TMEM177: variants seen among roughly 807,000 people sequenced by gnomAD.
TMEM177 encodes the protein transmembrane protein 177.
Under a neutral mutation model 14.2 loss-of-function variants are expected in TMEM177, and 4 were observed. That is an observed-to-expected ratio of 0.28 (90% CI 0.14 to 0.64). The LOEUF (loss-of-function observed/expected upper bound fraction) is 0.64. Ranked by LOEUF, TMEM177 falls within the 30% of genes least tolerant of loss-of-function variation. TMEM177 has a pLI of 0.82. For synonymous variants in TMEM177, 179 were observed against 174.5 expected (o/e 1.03, Z -0.20); for missense variants, 344 against 405.2 (o/e 0.85, Z 1.30).
chr2:119,713,260 G>T, the TMEM177 span, among the ~76,000 whole-genome samples: 1 of 152,024 alleles, frequency 6.6e-6, no homozygotes, highest in Non-Finnish European at 1.5e-5. Flanking sequence ...GTAGAGACAG[G>T]TTTCTCCGTG....
the TMEM177 span, chr2:119,700,039 T>C: frequency 4.1e-3 from 1,204 of 294,256 alleles, 5 homozygotes; most frequent in Non-Finnish European, 6.0e-3. Context: ...CCCTGCCACA[T>C]CGAGATCATC....
rs1219227583 is a variant in TMEM177 at position 119,681,444 on chromosome 2, C to T, written c.591C>T (p.Pro197=). The T allele has an allele frequency of 2.5e-6, 4 of 1,613,716 alleles. No individual in the cohort carries two copies. The East Asian group carries it at 6.7e-5, about 27-fold the overall frequency. The part of the protein sequence containing the change: ...AKYTLGLHAG[P]MNLRAAFSLV... ...ACACCCTGGGGCTCCATGCAGGCCC[C>T]ATGAATTTACGGGCTGCCTTCAGCT... Residue 197 remains proline, a synonymous_variant, in exon 2 of 2, where the codon CCC becomes CCT. Coordinates refer to ENST00000272521, the MANE Select transcript of TMEM177 (RefSeq NM_030577.3).
the TMEM177 span, among the ~76,000 whole-genome samples, chr2:119,708,258 G>A: frequency 1.3e-5 from 2 of 152,056 alleles, no homozygotes; most frequent in Non-Finnish European, 2.9e-5. Flanking sequence ...CCATCTCTTA[G>A]CTTTAACAAT....
At chr2:119,702,157 C>T in the TMEM177 span, among the ~76,000 whole-genome samples, 1 of 152,340 alleles carries the variant, frequency 6.6e-6, no homozygotes, top group East Asian at 1.9e-4. Flanking sequence ...GTTTCATAGC[C>T]AAACCATGAA....
At chr2:119,715,571 A>G in the TMEM177 span, among the ~76,000 whole-genome samples, 13 of 152,070 alleles carry the variant, frequency 8.5e-5, no homozygotes, top group African/African-American at 3.1e-4. Flanking sequence ...CTGCCCTCAG[A>G]GGGAAAGAGC....
chr2:119,703,990 ACT>A, the TMEM177 span, among the ~76,000 whole-genome samples: 1 of 152,112 alleles, frequency 6.6e-6, no homozygotes, highest in Non-Finnish European at 1.5e-5. Context: ...TCCTGCCAGG[ACT>A]CTGACCAATG....
At chr2:119,696,656 C>T in the TMEM177 span, among the ~76,000 whole-genome samples, 1 of 152,240 alleles carries the variant, frequency 6.6e-6, no homozygotes, top group Non-Finnish European at 1.5e-5. Flanking sequence ...ATGCATTTCT[C>T]AACAGTGTGG....
rs1688832370 is a variant in TMEM177 at position 119,679,244 on chromosome 2, G to A, written c.-55G>A. 6.6e-6 allele frequency: 1 copy of A among 152,224 alleles called. No individual in the cohort carries two copies. Among genetic ancestry groups the A allele is most frequent in the African/African-American group, 2.4e-5 (1 of 41,456 alleles). The allele number at this position is 152,224 out of a possible 1,614,324, so 9.4% of individuals were successfully genotyped here. A position where few individuals can be genotyped will look rare whatever the true frequency, so the allele number is the denominator to read the frequency against. ...GGCGGAGGTGAGCGCACGGACGAGC[G>A]GGAGGGACCCTTCTCCGGCCTGATG... On this transcript the variant is annotated 5_prime_UTR_variant, in exon 1 of 2. Transcript: ENST00000272521.
chr2:119,722,588 T>C, the TMEM177 span, among the ~76,000 whole-genome samples: 1 of 152,202 alleles, frequency 6.6e-6, no homozygotes, highest in South Asian at 2.1e-4. Context: ...TTGATGTAAG[T>C]GCTTATGAGG....
chr2:119,693,834 C>G, the TMEM177 span, among the ~76,000 whole-genome samples: 2 of 131,386 alleles, frequency 1.5e-5, no homozygotes, highest in African/African-American at 5.7e-5. Context: ...ACAAACATAC[C>G]ACATACACAT....
the TMEM177 span, among the ~76,000 whole-genome samples, chr2:119,718,426 G>T: frequency 7.5e-4 from 114 of 152,276 alleles, no homozygotes; most frequent in Non-Finnish European, 2.1e-4. Context: ...TGAGGTGGGC[G>T]AGTGCTTGGT....
chr2:119,681,248 G>T lies in TMEM177; in HGVS notation c.395G>T (p.Arg132Leu), dbSNP rs769366689. 3 of 1,614,270 alleles carry T rather than the reference G, an allele frequency of 1.9e-6. No individual in the cohort carries two copies. In the Middle Eastern group the frequency reaches 4.9e-4, roughly 266 times the overall value. Reference sequence around the variant, plus strand: ...ATACATGGGCATACAGTGGACTGGCGGAGCCCAGCAGGCGCCCGGCTGAGA... The same window carrying T: ...ATACATGGGCATACAGTGGACTGGCTGAGCCCAGCAGGCGCCCGGCTGAGA... ...VVIHGHTVDW[R>L]SPAGARLRAS... Residue 132 changes from arginine (R) to leucine (L), a missense_variant, in exon 2 of 2, where the codon CGG becomes CTG. Physicochemically the swap from Arg to Leu is moderately radical, Grantham distance 102. Coordinates refer to ENST00000272521, the MANE Select transcript of TMEM177 (RefSeq NM_030577.3).
chr2:119,723,611 AC>A, the TMEM177 span, among the ~76,000 whole-genome samples: 1 of 152,030 alleles, frequency 6.6e-6, no homozygotes, highest in East Asian at 1.9e-4. Context: ...GCTCCATTTA[AC>A]CCCAAAGAAC....
downstream of TMEM177, among the ~76,000 whole-genome samples, chr2:119,683,771 T>C (rs1239639068): frequency 1.3e-5 from 2 of 152,160 alleles, no homozygotes; most frequent in African/African-American, 4.8e-5. Context: ...TGTGTGTGCG[T>C]GTGTGTGCGC....
At chr2:119,701,669 A>C in the TMEM177 span, among the ~76,000 whole-genome samples, 2 of 152,266 alleles carry the variant, frequency 1.3e-5, no homozygotes, top group Non-Finnish European at 2.9e-5. Context: ...TTATCAAGAC[A>C]GGAGAACTGC....
At chr2:119,685,344 C>T (rs1372167926), downstream of TMEM177, among the ~76,000 whole-genome samples, 2 of 151,856 alleles carry the variant, frequency 1.3e-5, no homozygotes, top group Non-Finnish European at 2.9e-5. Flanking sequence ...CACTGACCCT[C>T]CTAGCCCTGC....
downstream of TMEM177, among the ~76,000 whole-genome samples, chr2:119,682,390 C>G (rs529659888): frequency 6.6e-6 from 1 of 152,266 alleles, no homozygotes; most frequent in South Asian, 2.1e-4. Flanking sequence ...AGAACCACCC[C>G]TCAATTTAAG....
the TMEM177 span, among the ~76,000 whole-genome samples, chr2:119,693,736 C>T: frequency 3.9e-5 from 6 of 152,122 alleles, no homozygotes; most frequent in African/African-American, 1.4e-4. Flanking sequence ...GCAAAGGGCT[C>T]CTGTGGGTGC....
In TMEM177 at chr2:119,681,880, T is replaced by G; in HGVS notation, c.*91T>G. 5 of 1,267,216 alleles carry G rather than the reference T, an allele frequency of 3.9e-6. No individual in the cohort carries two copies. The highest frequency in any genetic ancestry group is 2.2e-5 in the Admixed American group (1 of 45,156). The allele number at this position is 1,267,216 out of a possible 1,614,324, so 78.5% of individuals were successfully genotyped here. A position where few individuals can be genotyped will look rare whatever the true frequency, so the allele number is the denominator to read the frequency against. On this transcript the variant is annotated 3_prime_UTR_variant, in exon 2 of 2. Transcript: ENST00000272521. ...CTGTTGGAGCCTTTGGACCTATAGCTCACGGCCAGAAAAATCACTGGCTTT... is the reference window on the plus strand; with the variant it reads ...CTGTTGGAGCCTTTGGACCTATAGCGCACGGCCAGAAAAATCACTGGCTTT...
Sources: allele counts gnomAD v4.1 joint callset (sites outside exome capture counted in the v4.1 genomes callset), GRCh38; gene constraint gnomAD v4.1.1; transcripts MANE v1.5; gene names NCBI Gene and HGNC (gene_info 2026-07-23, HGNC 2026-07-21).